EPG5: variants seen among roughly 807,000 people sequenced by gnomAD.
EPG5 encodes the protein ectopic P granules protein 5 homolog.
Under a neutral mutation model 302.7 loss-of-function variants are expected in EPG5, and 159 were observed. The ratio of observed to expected loss-of-function variants is 0.53; its 90% CI spans 0.46 to 0.60. The LOEUF (loss-of-function observed/expected upper bound fraction) is 0.60, where lower values mean the gene tolerates loss of function less well. Ranked by LOEUF, EPG5 falls within the 20% of genes least tolerant of loss-of-function variation. The pLI is 0.00. For synonymous variants in EPG5, 1,158 were observed against 1,136.8 expected (o/e 1.02, Z -0.37); for missense variants, 2,896 against 3,092.4 (o/e 0.94, Z 1.51).
the EPG5 span, chr18:45,837,744 G>C: frequency 7.9e-6 from 12 of 1,512,460 alleles, no homozygotes; most frequent in East Asian, 2.7e-5. Context: ...GGCCGCTTCC[G>C]GCTGCTGGGC....
intron 23 of EPG5, among the ~76,000 whole-genome samples, chr18:45,910,080 G>A (rs1176304452): frequency 6.6e-6 from 1 of 151,996 alleles, no homozygotes; most frequent in Non-Finnish European, 1.5e-5. Context: ...TGACCTCCTG[G>A]GCTTAAGGGA....
the EPG5 span, among the ~76,000 whole-genome samples, chr18:45,823,743 A>G: frequency 6.6e-6 from 1 of 152,218 alleles, no homozygotes; most frequent in South Asian, 2.1e-4. Flanking sequence ...CAGGAAAAGG[A>G]GGGTAGGAAG....
chr18:45,921,063 C>T (rs1271003190), intron 16 of EPG5, among the ~76,000 whole-genome samples: 1 of 152,232 alleles, frequency 6.6e-6, no homozygotes, highest in Non-Finnish European at 1.5e-5. Context: ...ATCTAAAGAA[C>T]AGCAGAAGTT....
intron 17 of EPG5, 98 bp from the exon 18 acceptor site, chr18:45,916,680 T>C: frequency 7.6e-7 from 1 of 1,310,432 alleles, no homozygotes; most frequent in Non-Finnish European, 1.0e-6. Flanking sequence ...CCTAAATTGG[T>C]CCCATTTTTC....
rs1354258666 is a variant in EPG5 at position 45,954,917 on chromosome 18, T to C, written c.485A>G (p.Tyr162Cys). 2 of 1,613,642 alleles carry C rather than the reference T, an allele frequency of 1.2e-6. No homozygotes were observed. Among genetic ancestry groups the C allele is most frequent in the South Asian group, 2.2e-5 (2 of 91,016 alleles). The change falls in exon 2 of 44, where the codon TAT (tyrosine) becomes TGT (cysteine). Residue 162 changes from tyrosine to cysteine, a missense_variant. Around this residue, in one of 5 missense-constraint regions of EPG5, gnomAD observed 1,390 missense variants for 1,430.0 expected, o/e 0.97. Transcript: ENST00000282041. ...SESAPQSNFS[Y>C]TQPAMENIQV... Reference sequence around the variant, plus strand: ...TATATTTTCCATTGCTGGCTGAGTATAAGAAAAATTAGATTGGGGTGCACT... The same window carrying C: ...TATATTTTCCATTGCTGGCTGAGTACAAGAAAAATTAGATTGGGGTGCACT...
At chr18:45,904,892 C>CTCTCTGGGA (rs1186653797) in intron 24 of EPG5, among the ~76,000 whole-genome samples, 11 of 152,140 alleles carry the variant, frequency 7.2e-5, no homozygotes, top group Non-Finnish European at 1.2e-4. Flanking sequence ...GCATCAAGTG[C>CTCTCTGGGA]TCTCTGGGAT....
chr18:45,857,140 G>A (rs1349280493), intron 42 of EPG5, among the ~76,000 whole-genome samples: 1 of 151,646 alleles, frequency 6.6e-6, no homozygotes, highest in Non-Finnish European at 1.5e-5. Context: ...GACAGGGTCT[G>A]ACTCTGTCAC....
In EPG5 at chr18:45,870,478, C is replaced by A. The variant is rs1044460513; in HGVS notation, c.6225+89G>T. 4.2e-6 allele frequency: 5 copies of A among 1,185,290 alleles called. No individual in the cohort carries two copies. The African/African-American group carries it at 7.6e-5, about 18-fold the overall frequency. 73.4% of individuals were successfully genotyped at this position (1,185,290 alleles called of 1,614,324 possible). On this transcript the variant is annotated intron_variant, in intron 36 of 43. Transcript: ENST00000282041. ...TATTCATGGTCCACGCTAGCACACA[C>A]TGCCACTATGCCTAACAACCACAGT...
the EPG5 span, chr18:45,829,211 T>A: frequency 2.1e-4 from 198 of 940,052 alleles, no homozygotes; most frequent in African/African-American, 3.3e-3. Flanking sequence ...CACGCCACAG[T>A]CAGCCTGCGG....
At chr18:45,910,194 GC>G (rs769124054) in intron 23 of EPG5, among the ~76,000 whole-genome samples, 2 of 151,916 alleles carry the variant, frequency 1.3e-5, no homozygotes, top group Non-Finnish European at 2.9e-5. Context: ...TCACTATGTT[GC>G]CCAGGCTGTC....
In EPG5 at chr18:45,922,536, G is replaced by A; in HGVS notation, c.2903C>T (p.Ala968Val). Reference protein sequence around the residue: ...ETPETSFNQWAWNLILRLKLH... With the variant: ...ETPETSFNQWVWNLILRLKLH... ...TTTTAGCCTCAAGATTAAATTCCAGGCCCATTGGTTAAATGAGGTCTCGGG... is the reference window on the plus strand; with the variant it reads ...TTTTAGCCTCAAGATTAAATTCCAGACCCATTGGTTAAATGAGGTCTCGGG... The change falls in exon 16 of 44, where the codon GCC becomes GTC. Residue 968 changes from alanine to valine, a missense_variant. Transcript: ENST00000282041. The A allele has an allele frequency of 3.1e-6, 5 of 1,614,140 alleles. No homozygotes were observed. The highest frequency in any genetic ancestry group is 4.2e-6 in the Non-Finnish European group (5 of 1,180,016).
At chr18:45,903,113 A>G (rs941102523) in intron 25 of EPG5, among the ~76,000 whole-genome samples, 9 of 152,122 alleles carry the variant, frequency 5.9e-5, no homozygotes, top group Non-Finnish European at 7.4e-5. Context: ...CTGTTCATAT[A>G]TTTCTTCTTC....
intron 11 of EPG5, 147 bp downstream of exon 11, chr18:45,934,662 G>T: frequency 1.2e-6 from 1 of 857,148 alleles, no homozygotes; most frequent in Non-Finnish European, 1.7e-6. Context: ...AAACTGTGAA[G>T]CAGTCTCCTG....
In EPG5 at chr18:45,955,009, T is replaced by C. The variant is rs754739319; in HGVS notation, c.393A>G (p.Lys131=). The change falls in exon 2 of 44, where the codon AAA becomes AAG. Residue 131 remains lysine (K), a synonymous_variant. Coordinates refer to ENST00000282041, the MANE Select transcript of EPG5 (RefSeq NM_020964.3). ...CTGTGAAGTTCTTGGGGGTTTCTAC[T>C]TTAGTTCCAACATTGTCTCCAGGGT... ...KVHPGDNVGT[K]VETPKNFTEV... The C allele has an allele frequency of 3.3e-5, 54 of 1,614,096 alleles. No homozygotes were observed. In the South Asian group the frequency reaches 5.6e-4, roughly 17 times the overall value.
chr18:45,901,390 C>T (rs1445713497), intron 25 of EPG5, among the ~76,000 whole-genome samples: 1 of 152,044 alleles, frequency 6.6e-6, no homozygotes, highest in African/African-American at 2.4e-5. Flanking sequence ...TATCTAGTGC[C>T]TTACGCTAAT....
intron 1 of EPG5, among the ~76,000 whole-genome samples, chr18:45,965,782 G>A (rs1431249132): frequency 6.6e-6 from 1 of 152,306 alleles, no homozygotes; most frequent in South Asian, 2.1e-4. Context: ...GGGTGGGCGC[G>A]GTGGCTCACG....
At chr18:45,966,118 A>T (rs2051248691) in intron 1 of EPG5, among the ~76,000 whole-genome samples, 1 of 151,764 alleles carries the variant, frequency 6.6e-6, no homozygotes, top group East Asian at 1.9e-4. Context: ...CACGCCTGTA[A>T]TCTCAGCACT....
chr18:45,872,821 T>A (rs966467096), intron 35 of EPG5, among the ~76,000 whole-genome samples: 1 of 152,270 alleles, frequency 6.6e-6, no homozygotes, highest in African/African-American at 2.4e-5. Context: ...TTAACAACCT[T>A]TAAGACAGAG....
chr18:45,908,214 A>C (rs1247015911), intron 23 of EPG5, 133 bp from the exon 24 acceptor site: 1 of 641,246 alleles, frequency 1.6e-6, no homozygotes, highest in Non-Finnish European at 2.4e-6. Context: ...TGTGGCCAAC[A>C]ACCACCACGG....
Sources: gnomAD v4.1 joint callset for allele counts (sites outside exome capture counted in the v4.1 genomes callset) on GRCh38, gnomAD v4.1.1 for gene constraint, gnomAD v4.1.1 regional missense constraint, MANE v1.5 for transcripts, NCBI Gene and HGNC (gene_info 2026-07-23, HGNC 2026-07-21) for gene names.